TRIO: variants seen among roughly 807,000 people sequenced by gnomAD.
TRIO encodes the protein triple functional domain protein.
A neutral mutation model predicts 351.9 loss-of-function variants in TRIO; 58 were observed. The observed-to-expected ratio is 0.16, with a 90% CI of 0.13 to 0.21. The LOEUF (loss-of-function observed/expected upper bound fraction) is 0.21. TRIO is among the 10% of genes least tolerant of loss of function. The pLI is 1.00. For missense variants in TRIO, 3,201 were observed against 4,027.8 expected (o/e 0.79, Z 5.56); for synonymous variants, 1,758 against 1,595.7 (o/e 1.10, Z -2.42).
At chr5:14,460,990 G>C in intron 34 of TRIO, 29 bp from the exon 35 acceptor site, 1 of 1,525,418 alleles carries the variant, frequency 6.6e-7, no homozygotes. Context: ...GTGCGAGTCA[G>C]TGATACTCCC....
intron 1 of TRIO, among the ~76,000 whole-genome samples, chr5:14,172,532 TAAC>T (rs1274175114): frequency 2.0e-5 from 3 of 152,200 alleles, no homozygotes; most frequent in Middle Eastern, 3.2e-3. Flanking sequence ...TGGGACAGGT[TAAC>T]AACAGTTGAT....
At chr5:14,493,133 TA>T (rs1243593443) in intron 49 of TRIO, among the ~76,000 whole-genome samples, 2 of 152,224 alleles carry the variant, frequency 1.3e-5, no homozygotes, top group Non-Finnish European at 1.5e-5. Context: ...TTAAGAAACC[TA>T]AGGGGAAAAT....
chr5:14,475,092 G>A (rs573620931), intron 40 of TRIO, among the ~76,000 whole-genome samples: 9 of 152,278 alleles, frequency 5.9e-5, no homozygotes, highest in Admixed American at 1.3e-4. Flanking sequence ...CTGGTGCTAC[G>A]TAGCTCACCT....
chr5:14,405,463 CTGCTGGCAGTA>C (rs1335990023), intron 31 of TRIO, among the ~76,000 whole-genome samples: 1 of 152,202 alleles, frequency 6.6e-6, no homozygotes, highest in Non-Finnish European at 1.5e-5. Context: ...GTTCAGTTTC[CTGCTGGCAGTA>C]TGCCCCCTAC....
At chr5:14,297,737 C>T (rs146310471) in intron 7 of TRIO, among the ~76,000 whole-genome samples, 9 of 152,242 alleles carry the variant, frequency 5.9e-5, no homozygotes, top group East Asian at 1.9e-4. Context: ...TCACAAACTG[C>T]GAAGTTCTAA....
intron 8 of TRIO, among the ~76,000 whole-genome samples, chr5:14,310,966 G>A (rs1402375984): frequency 1.3e-5 from 2 of 152,198 alleles, no homozygotes; most frequent in Non-Finnish European, 2.9e-5. Context: ...GATTACAGGC[G>A]TGAGCCACCA....
chr5:14,327,822 C>G (rs994478276), intron 9 of TRIO, among the ~76,000 whole-genome samples: 2 of 152,196 alleles, frequency 1.3e-5, no homozygotes, highest in Non-Finnish European at 2.9e-5. Context: ...GGAGCACATT[C>G]CATTAAATGT....
intron 4 of TRIO, among the ~76,000 whole-genome samples, chr5:14,287,856 G>A (rs192153212): frequency 1.4e-4 from 21 of 152,314 alleles, no homozygotes; most frequent in Admixed American, 5.9e-4. Flanking sequence ...CTGCTCAAAC[G>A]TTAGGTTTCA....
chr5:14,376,672 A>G (rs16903434), intron 19 of TRIO, among the ~76,000 whole-genome samples: 16,024 of 152,182 alleles, frequency 0.11, 1,354 homozygotes, highest in African/African-American at 0.24. Flanking sequence ...ATTGCTGCCT[A>G]TTTTCCACTG....
chr5:14,159,969 A>G (rs1788356523), intron 1 of TRIO, among the ~76,000 whole-genome samples: 1 of 152,250 alleles, frequency 6.6e-6, no homozygotes, highest in Non-Finnish European at 1.5e-5. Flanking sequence ...ATTAATTTGC[A>G]TAAAATCGCA....
chr5:14,447,497 A>G (rs1432473629), intron 34 of TRIO, among the ~76,000 whole-genome samples: 1 of 152,216 alleles, frequency 6.6e-6, no homozygotes, highest in East Asian at 1.9e-4. Flanking sequence ...ACCTCCTGAA[A>G]TAAATCAGTC....
At chr5:14,197,298 A>G (rs564126364) in intron 1 of TRIO, among the ~76,000 whole-genome samples, 319 of 57,648 alleles carry the variant, frequency 5.5e-3, no homozygotes, top group Non-Finnish European at 0.011. Context: ...GTGTGTATCG[A>G]GGTGCTTCCT....
intron 1 of TRIO, among the ~76,000 whole-genome samples, chr5:14,158,439 C>T (rs1788245787): frequency 6.6e-6 from 1 of 151,540 alleles, no homozygotes; most frequent in Non-Finnish European, 1.5e-5. Flanking sequence ...AAAAAAAAAT[C>T]TGGGAGTAAA....
chr5:14,214,086 C>T (rs181254490), intron 1 of TRIO, among the ~76,000 whole-genome samples: 69 of 152,290 alleles, frequency 4.5e-4, no homozygotes, highest in African/African-American at 1.6e-3. Context: ...GCAGTCAGGG[C>T]TGTCACTGCT....
At chr5:14,172,380 C>G (rs1024799188) in intron 1 of TRIO, among the ~76,000 whole-genome samples, 1 of 152,186 alleles carries the variant, frequency 6.6e-6, no homozygotes, top group African/African-American at 2.4e-5. Flanking sequence ...TAAACAGTGT[C>G]ACAGAGAGTA....
intron 1 of TRIO, among the ~76,000 whole-genome samples, chr5:14,175,377 C>G (rs1789345066): frequency 1.3e-5 from 2 of 152,204 alleles, no homozygotes. Context: ...TTACTTAGAA[C>G]TTCTTTGTCC....
intron 1 of TRIO, among the ~76,000 whole-genome samples, chr5:14,154,546 T>TG (rs1787999238): frequency 6.6e-6 from 1 of 152,162 alleles, no homozygotes; most frequent in South Asian, 2.1e-4. Context: ...CAGGCACGTG[T>TG]CCTAGGCTGT....
rs746581041 is a variant in TRIO at position 14,363,954 on chromosome 5, C to G, written c.2587+27C>G. Reference sequence around the variant, plus strand: ...TAAGAGGGCTCACTCCATCTGTGTCCGTTGTGATTTCTTCATGTCGTCATG... The same window carrying G: ...TAAGAGGGCTCACTCCATCTGTGTCGGTTGTGATTTCTTCATGTCGTCATG... On this transcript the variant is annotated intron_variant, in intron 14 of 56. Transcript: ENST00000344204. The G allele has an allele frequency of 1.9e-6, 3 of 1,582,908 alleles. No homozygotes were observed. The East Asian group carries it at 6.8e-5, about 36-fold the overall frequency.
Position 14,487,778 on chromosome 5 carries a change from G to A in TRIO, c.7150G>A (p.Glu2384Lys), listed in dbSNP as rs780400179. The change falls in exon 48 of 57, where the codon GAG becomes AAG. Residue 2384 changes from glutamate to lysine, a missense_variant. Transcript: ENST00000344204. ...CCTGCCTCCCCCTGGCGCGGCCCCC[G>A]AGGCCGGCCCCAGCGCGCCCAGCAG... ...PSLPPPGAAPEAGPSAPSRRP... is the reference protein window; with the variant it reads ...PSLPPPGAAPKAGPSAPSRRP... The A allele has an allele frequency of 1.4e-5, 19 of 1,371,032 alleles. No individual in the cohort carries two copies. Among genetic ancestry groups the A allele is most frequent in the South Asian group, 1.7e-5 (1 of 59,064 alleles). 84.9% of individuals were successfully genotyped at this position (1,371,032 alleles called of 1,614,324 possible).
Sources: allele counts gnomAD v4.1 joint callset (sites outside exome capture counted in the v4.1 genomes callset), GRCh38; gene constraint gnomAD v4.1.1; transcripts MANE v1.5; gene names NCBI Gene and HGNC (gene_info 2026-07-23, HGNC 2026-07-21).